Variants in SCN9A observed in about 807,000 individuals in gnomAD.
SCN9A encodes the protein sodium voltage-gated channel alpha subunit 9, also known as sodium channel protein type 9 subunit alpha.
Under a neutral mutation model 187.0 loss-of-function variants are expected in SCN9A, and 131 were observed. The observed-to-expected ratio is 0.70, with a 90% confidence interval of 0.61 to 0.81. The LOEUF (loss-of-function observed/expected upper bound fraction) is 0.81. Among genes scored for constraint, SCN9A ranks in the 30% least tolerant of loss-of-function variants. The pLI is 0.00. For missense variants in SCN9A, 2,252 were observed against 2,396.6 expected (o/e 0.94, Z 1.26); for synonymous variants, 809 against 808.6 (o/e 1.00, Z -0.01).
chr2:166,251,855 T>G lies in SCN9A; in HGVS notation c.3382A>C (p.Ser1128Arg), dbSNP rs763260024. 2 of 1,612,596 alleles carry G rather than the reference T, an allele frequency of 1.2e-6. No individual in the cohort carries two copies. Among genetic ancestry groups the G allele is most frequent in the Non-Finnish European group, 8.5e-7 (1 of 1,179,086 alleles). Residue 1128 changes from serine (S) to arginine (R), a missense_variant, in exon 18 of 27, where the codon AGC becomes CGC. Ser to Arg is a moderately radical substitution (Grantham distance 110). Around this residue, in one of 7 missense-constraint regions of SCN9A, gnomAD observed 313 missense variants for 295.3 expected, o/e 1.06. Coordinates refer to ENST00000642356, the MANE Select transcript of SCN9A (RefSeq NM_001365536.1). ...CCAGGCAAAGGGTTATCAACTGTGCTGCACTCTGAGGAGCTTGACCGGTTT... is the reference window on the plus strand; with the variant it reads ...CCAGGCAAAGGGTTATCAACTGTGCGGCACTCTGAGGAGCTTGACCGGTTT... ...RLNRSSSSEC[S>R]TVDNPLPGEG...
intron 1 of SCN9A, among the ~76,000 whole-genome samples, chr2:166,357,245 A>G (rs1039942559): frequency 6.6e-6 from 1 of 152,194 alleles, no homozygotes; most frequent in Non-Finnish European, 1.5e-5. Flanking sequence ...TTTTATTTGT[A>G]AGACAAATGC....
chr2:166,233,478 T>C lies in SCN9A; in HGVS notation c.3802-16A>G. The C allele has an allele frequency of 6.5e-7, 1 of 1,549,488 alleles. No homozygotes were observed. Among genetic ancestry groups the C allele is most frequent in the Non-Finnish European group, 8.6e-7 (1 of 1,156,658 alleles). ...CCAAAGAAACCTATAAAAATAACAT[T>C]TTCATTAATTGTGTCAATAAAATGA... On this transcript the variant is annotated splice_polypyrimidine_tract_variant and intron_variant, in intron 20 of 26. Transcript: ENST00000642356.
chr2:166,371,783 T>C (rs956159165), intron 1 of SCN9A, among the ~76,000 whole-genome samples: 1 of 152,178 alleles, frequency 6.6e-6, no homozygotes, highest in South Asian at 2.1e-4. Flanking sequence ...CATCTTCAAT[T>C]AGTACACAGA....
chr2:166,353,257 C>CA (rs1168746219), intron 1 of SCN9A, among the ~76,000 whole-genome samples: 10 of 149,784 alleles, frequency 6.7e-5, no homozygotes, highest in African/African-American at 1.5e-4. Flanking sequence ...AGCTGTGCTA[C>CA]AAAAAAATGC....
intron 1 of SCN9A, among the ~76,000 whole-genome samples, chr2:166,318,992 T>G (rs756541837): frequency 6.6e-6 from 1 of 151,976 alleles, no homozygotes; most frequent in Admixed American, 6.6e-5. Flanking sequence ...TGGCAGAAAA[T>G]TCACCAAGAG....
Position 166,284,823 on chromosome 2 carries a change from G to T in SCN9A, c.1604C>A (p.Ser535Ter). Residue 535 changes from serine to a stop codon, truncating the protein, a stop_gained and splice_region_variant, in exon 12 of 27, where the codon TCA becomes TAA. Transcript: ENST00000642356. LOFTEE classifies it high-confidence loss of function. Reference sequence around the variant, plus strand: ...CAAGGAGCCACGAATGCTGAGTGGTGACTGCAGAAAAATTAAAAAAAACGT... The same window carrying T: ...CAAGGAGCCACGAATGCTGAGTGGTTACTGCAGAAAAATTAAAAAAAACGT... Reference protein sequence around the residue: ...HEKRLSTPNQSPLSIRGSLFS... With the variant: ...HEKRLSTPNQ 6.2e-7 allele frequency: 1 copy of T among 1,600,666 alleles called. No homozygotes were observed. Among genetic ancestry groups the T allele is most frequent in the South Asian group, 1.1e-5 (1 of 89,704 alleles).
Position 166,222,358 on chromosome 2 carries a change from A to C in SCN9A, c.4398+4209T>G, listed in dbSNP as rs149668406. Among the ~76,000 whole-genome samples, 821 of 152,374 alleles carry C rather than the reference A, an allele frequency of 5.4e-3. 4 individuals carry two copies. The highest frequency in any genetic ancestry group is 0.019 in the African/African-American group (775 of 41,598). On this transcript the variant is annotated intron_variant, in intron 24 of 26. Coordinates refer to ENST00000642356, the MANE Select transcript of SCN9A (RefSeq NM_001365536.1). Reference sequence around the variant, plus strand: ...AAAAACTGTAATGAGGGCCAGGTGCAGTGGCTCATGCCTGTTATCCCAGCA... The same window carrying C: ...AAAAACTGTAATGAGGGCCAGGTGCCGTGGCTCATGCCTGTTATCCCAGCA...
chr2:166,344,271 T>TA (rs1256647560), intron 1 of SCN9A, among the ~76,000 whole-genome samples: 1 of 152,210 alleles, frequency 6.6e-6, no homozygotes, highest in South Asian at 2.1e-4. Context: ...CTTATAAAGT[T>TA]AAAAATATAT....
intron 1 of SCN9A, among the ~76,000 whole-genome samples, chr2:166,341,204 A>G (rs1440409021): frequency 6.6e-6 from 1 of 152,232 alleles, no homozygotes; most frequent in East Asian, 1.9e-4. Context: ...GAAATTTCAC[A>G]TTCAAGAATA....
At chr2:166,326,283 G>C (rs992764376) in intron 1 of SCN9A, among the ~76,000 whole-genome samples, 1 of 152,138 alleles carries the variant, frequency 6.6e-6, no homozygotes, top group Non-Finnish European at 1.5e-5. Flanking sequence ...GAAAGTCAAA[G>C]GTGCGAAACG....
chr2:166,292,826 T>C (rs73969661), intron 9 of SCN9A, among the ~76,000 whole-genome samples: 3,589 of 152,224 alleles, frequency 0.024, 139 homozygotes, highest in African/African-American at 0.082. Flanking sequence ...TCTTTAACTT[T>C]AAATAGGAGT....
intron 1 of SCN9A, among the ~76,000 whole-genome samples, chr2:166,355,357 T>A (rs1700127257): frequency 6.6e-6 from 1 of 151,610 alleles, no homozygotes; most frequent in African/African-American, 2.4e-5. Context: ...TATAGTCATT[T>A]AAAAAAAAAC....
At position 166,288,779 on chromosome 2, in the gene SCN9A, C is replaced by T. The variant is rs144214685; in HGVS notation, c.1108-136G>A. ...AAAAATATAAAGAGAAAAGTTATAT[C>T]TTCATGGAAAACAAATATTAAACAC... On this transcript the variant is annotated intron_variant, in intron 9 of 26. Transcript: ENST00000642356. The T allele has an allele frequency of 1.5e-4, 89 of 598,320 alleles. 1 individual carries two copies. Among genetic ancestry groups the T allele is most frequent in the South Asian group, 1.2e-3 (40 of 32,016 alleles). 37.1% of individuals were successfully genotyped at this position (598,320 alleles called of 1,614,324 possible).
chr2:166,368,686 T>TGA (rs1553507427), intron 1 of SCN9A, among the ~76,000 whole-genome samples: 1 of 134,588 alleles, frequency 7.4e-6, no homozygotes, highest in African/African-American at 2.8e-5. Flanking sequence ...GAAACTTAAT[T>TGA]AAAAAAAAAA....
At chr2:166,280,080 C>T (rs1697408986) in intron 14 of SCN9A, among the ~76,000 whole-genome samples, 2 of 152,134 alleles carry the variant, frequency 1.3e-5, no homozygotes, top group South Asian at 2.1e-4. Flanking sequence ...TTAAGTGTTG[C>T]TCCCAAGAAA....
intron 1 of SCN9A, among the ~76,000 whole-genome samples, chr2:166,351,023 A>T (rs563477777): frequency 6.6e-6 from 1 of 152,132 alleles, no homozygotes; most frequent in African/African-American, 2.4e-5. Context: ...CCTGCTCTCT[A>T]TATATAAGCA....
At chr2:166,327,786 T>C (rs1424694589) in intron 1 of SCN9A, among the ~76,000 whole-genome samples, 1 of 152,216 alleles carries the variant, frequency 6.6e-6, no homozygotes, top group Non-Finnish European at 1.5e-5. Flanking sequence ...ACTGCCCATC[T>C]TCACTATGAA....
intron 18 of SCN9A, 116 bp from the exon 19 acceptor site, chr2:166,242,772 C>G: frequency 1.6e-6 from 1 of 632,452 alleles, no homozygotes; most frequent in South Asian, 2.9e-5. Flanking sequence ...AATTTCAACA[C>G]CTATACTTGC....
Position 166,294,562 on chromosome 2 carries a change from C to T in SCN9A, c.965+37G>A, listed in dbSNP as rs777806541. 2.7e-6 allele frequency: 4 copies of T among 1,476,306 alleles called. No homozygotes were observed. The Admixed American group carries it at 5.2e-5, about 19-fold the overall frequency. The allele number at this position is 1,476,306 out of a possible 1,614,324, so 91.5% of individuals were successfully genotyped here. ...ACTGAACATTCTTTTCCTTCTCTTT[C>T]AGCCTTTAGACTAAAAAGAAAACAA... On this transcript the variant is annotated intron_variant, in intron 8 of 26. Transcript: ENST00000642356.
Sources: allele counts gnomAD v4.1 joint callset (sites outside exome capture counted in the v4.1 genomes callset), GRCh38; gene constraint gnomAD v4.1.1; regional missense constraint gnomAD v4.1.1; transcripts MANE v1.5; gene names NCBI Gene and HGNC (gene_info 2026-07-23, HGNC 2026-07-21).